PTPRD: variants seen among roughly 807,000 people sequenced by gnomAD.
PTPRD encodes protein tyrosine phosphatase receptor type D, also known as receptor-type tyrosine-protein phosphatase delta.
A neutral mutation model predicts 214.5 loss-of-function variants in PTPRD; 34 were observed. The observed-to-expected ratio is 0.16, with a 90% CI of 0.12 to 0.21. PTPRD has a LOEUF of 0.21. PTPRD is among the 10% of genes least tolerant of loss of function. The probability of loss-of-function intolerance (pLI) is 1.00; values close to 1 mark genes in which losing one functional copy is unlikely to be tolerated. For missense variants in PTPRD, 2,545 were observed against 2,398.7 expected, an observed-to-expected ratio of 1.06 and a Z score of -1.27; for synonymous variants, 1,128 against 845.7, an observed-to-expected ratio of 1.33 and a Z score of -5.79.
chr9:10,084,026 T>C (rs1464369116), intron 3 of PTPRD, among the ~76,000 whole-genome samples: 1 of 151,934 alleles, frequency 6.6e-6, no homozygotes, highest in Non-Finnish European at 1.5e-5. Context: ...GATAGATCAT[T>C]TAAACTTCCT....
intron 4 of PTPRD, among the ~76,000 whole-genome samples, chr9:9,966,726 C>G (rs2094729140): frequency 6.6e-6 from 1 of 152,032 alleles, no homozygotes. Flanking sequence ...TACACTCCTT[C>G]GGTCAGTGTT....
chr9:10,563,997 C>T (rs745819632), intron 2 of PTPRD, among the ~76,000 whole-genome samples: 4 of 151,400 alleles, frequency 2.6e-5, no homozygotes, highest in Non-Finnish European at 4.4e-5. Context: ...CCCCTACCTA[C>T]ATCCTCTTTT....
At chr9:8,795,686 C>T (rs1409445700) in intron 11 of PTPRD, among the ~76,000 whole-genome samples, 1 of 152,084 alleles carries the variant, frequency 6.6e-6, no homozygotes, top group Non-Finnish European at 1.5e-5. Context: ...TTGCAATGTC[C>T]TTTTAAGACA....
intron 9 of PTPRD, among the ~76,000 whole-genome samples, chr9:9,363,147 A>G (rs1164883000): frequency 3.4e-5 from 5 of 145,198 alleles, no homozygotes; most frequent in African/African-American, 1.0e-4. Context: ...ACTTGTGGTC[A>G]CATTAGAACT....
At chr9:9,125,939 G>A (rs564652628) in intron 10 of PTPRD, among the ~76,000 whole-genome samples, 12 of 152,254 alleles carry the variant, frequency 7.9e-5, no homozygotes, top group African/African-American at 2.6e-4. Context: ...AACAGCAAGG[G>A]GTGAATGGTC....
chr9:8,475,766 C>T (rs1279948875), intron 30 of PTPRD, among the ~76,000 whole-genome samples: 1 of 152,148 alleles, frequency 6.6e-6, no homozygotes, highest in African/African-American at 2.4e-5. Context: ...TTGCTAAGTT[C>T]TATCACTTCC....
Position 8,967,061 on chromosome 9 carries a change from C to T in PTPRD, c.-104+51636G>A, listed in dbSNP as rs150166278. ...CATAAAAAAATGCTATCATCACTAA[C>T]ATAAGAGAAAGGCAAATCAAAACCA... On this transcript the variant is annotated intron_variant, in intron 11 of 45. Transcript: ENST00000381196. 4.6e-5 allele frequency among the ~76,000 whole-genome samples: 7 copies of T among 151,652 alleles called. No individual in the cohort carries two copies. In the East Asian group the frequency reaches 1.4e-3, roughly 29 times the overall value.
intron 3 of PTPRD, among the ~76,000 whole-genome samples, chr9:10,093,790 A>G (rs2098456252): frequency 6.6e-6 from 1 of 151,488 alleles, no homozygotes; most frequent in Non-Finnish European, 1.5e-5. Flanking sequence ...TTGCAGTAAC[A>G]TGGATGCAGC....
At chr9:9,670,924 A>T (rs897668124) in intron 7 of PTPRD, among the ~76,000 whole-genome samples, 3 of 152,164 alleles carry the variant, frequency 2.0e-5, no homozygotes, top group African/African-American at 7.2e-5. Flanking sequence ...GGGGTTGGAG[A>T]TCCCCACAGA....
intron 5 of PTPRD, among the ~76,000 whole-genome samples, chr9:9,779,291 T>C (rs2476587): frequency 0.46 from 69,234 of 151,658 alleles, 16,241 homozygotes; most frequent in East Asian, 0.7. Flanking sequence ...AGACATTGGC[T>C]TTGACAAAAA....
chr9:9,890,953 T>C (rs1362001571), intron 5 of PTPRD, among the ~76,000 whole-genome samples: 1 of 152,116 alleles, frequency 6.6e-6, no homozygotes, highest in East Asian at 1.9e-4. Context: ...GAGTTCACCA[T>C]ATCTACATCG....
chr9:10,487,130 C>T (rs2784625), intron 2 of PTPRD, among the ~76,000 whole-genome samples: 110,894 of 152,024 alleles, frequency 0.73, 40,785 homozygotes, highest in African/African-American at 0.81. Flanking sequence ...TCTCACTCTT[C>T]CTGGTTTCCA....
At chr9:8,458,152 C>T (rs964174749) in intron 33 of PTPRD, among the ~76,000 whole-genome samples, 12 of 151,948 alleles carry the variant, frequency 7.9e-5, no homozygotes, top group Admixed American at 7.2e-4. Context: ...TTACATAGGC[C>T]CACACTAAAA....
At chr9:9,505,910 A>G (rs2096559565) in intron 8 of PTPRD, among the ~76,000 whole-genome samples, 1 of 151,464 alleles carries the variant, frequency 6.6e-6, no homozygotes, top group South Asian at 2.1e-4. Context: ...TCACCAATAA[A>G]CATCCAACTC....
At chr9:9,208,853 G>C (rs1220200446) in intron 9 of PTPRD, among the ~76,000 whole-genome samples, 1 of 151,388 alleles carries the variant, frequency 6.6e-6, no homozygotes, top group African/African-American at 2.4e-5. Flanking sequence ...TGTCGCCAAA[G>C]CTGGAGTACA....
Position 8,504,257 on chromosome 9 carries a change from C to G in PTPRD, c.1822+4G>C. 2 of 1,614,080 alleles carry G rather than the reference C, an allele frequency of 1.2e-6. No homozygotes were observed. Among genetic ancestry groups the G allele is most frequent in the Non-Finnish European group, 8.5e-7 (1 of 1,179,974 alleles). On this transcript the variant is annotated splice_donor_region_variant and intron_variant, in intron 23 of 45. Transcript: ENST00000381196. ...GCAGAAAGTAAGCAAAGAGAGACAC[C>G]TACTTGACTGCATGGTTCTAGCTGA...
intron 22 of PTPRD, among the ~76,000 whole-genome samples, chr9:8,505,797 G>C (rs1037627172): frequency 1.3e-5 from 2 of 152,082 alleles, no homozygotes; most frequent in African/African-American, 4.8e-5. Flanking sequence ...GAGCACAGTA[G>C]CTATGCCAAC....
intron 11 of PTPRD, among the ~76,000 whole-genome samples, chr9:8,851,098 G>A (rs937268464): frequency 6.6e-6 from 1 of 151,766 alleles, no homozygotes; most frequent in Non-Finnish European, 1.5e-5. Context: ...ACTGGCTACA[G>A]GCACCCACCA....
chr9:9,548,405 CTTTTTTTTTT>C (rs1157663823), intron 8 of PTPRD, among the ~76,000 whole-genome samples: 1 of 118,542 alleles, frequency 8.4e-6, no homozygotes, highest in East Asian at 2.4e-4. Context: ...GACTTTTTTT[CTTTTTTTTTT>C]TTTTTTTTTT....
Sources: allele counts gnomAD v4.1 joint callset (sites outside exome capture counted in the v4.1 genomes callset), GRCh38; gene constraint gnomAD v4.1.1; transcripts MANE v1.5; gene names NCBI Gene and HGNC (gene_info 2026-07-23, HGNC 2026-07-21).